NTNG1: variants seen among roughly 807,000 people sequenced by gnomAD.
NTNG1 encodes netrin-G1.
NTNG1 carries 16 observed loss-of-function variants against 54.0 expected under a neutral mutation model. That is an observed-to-expected ratio of 0.30 (90% CI 0.20 to 0.45). NTNG1 has a LOEUF of 0.45. Among genes scored for constraint, NTNG1 ranks in the 20% least tolerant of loss-of-function variants. NTNG1 has a pLI of 1.00. For missense variants in NTNG1, 530 were observed against 678.7 expected, an observed-to-expected ratio of 0.78 and a Z score of 2.43; for synonymous variants, 255 against 263.1, an observed-to-expected ratio of 0.97 and a Z score of 0.30.
At chr1:107,364,522 T>A (rs1670476300) in intron 3 of NTNG1, among the ~76,000 whole-genome samples, 1 of 152,244 alleles carries the variant, frequency 6.6e-6, no homozygotes, top group Non-Finnish European at 1.5e-5. Flanking sequence ...ATTTTCTCAC[T>A]ACATTTTACA....
intron 2 of NTNG1, among the ~76,000 whole-genome samples, chr1:107,256,263 T>G (rs1662927122): frequency 1.3e-5 from 2 of 152,212 alleles, no homozygotes. Flanking sequence ...AATTTCCTCA[T>G]GTAACCAAAG....
At chr1:107,466,929 G>C (rs1571024615) in intron 7 of NTNG1, among the ~76,000 whole-genome samples, 1 of 152,034 alleles carries the variant, frequency 6.6e-6, no homozygotes, top group South Asian at 2.1e-4. Flanking sequence ...CCCCTTTTCA[G>C]GTCCACTAAG....
intron 3 of NTNG1, among the ~76,000 whole-genome samples, chr1:107,337,770 C>T (rs920826085): frequency 4.6e-5 from 7 of 151,842 alleles, no homozygotes; most frequent in African/African-American, 1.7e-4. Context: ...TAATGTTATT[C>T]TTGGTTTTGA....
intron 2 of NTNG1, among the ~76,000 whole-genome samples, chr1:107,205,893 C>T (rs563347817): frequency 1.3e-5 from 2 of 152,228 alleles, no homozygotes; most frequent in African/African-American, 4.8e-5. Flanking sequence ...TGAACTTATA[C>T]GTGGAATTGT....
chr1:107,402,315 T>C (rs189857390), intron 4 of NTNG1, among the ~76,000 whole-genome samples: 1 of 152,216 alleles, frequency 6.6e-6, no homozygotes, highest in African/African-American at 2.4e-5. Context: ...AGGGTCAGCC[T>C]TCTTCATGCC....
chr1:107,438,432 G>A (rs1029109074), intron 7 of NTNG1, among the ~76,000 whole-genome samples: 29 of 152,174 alleles, frequency 1.9e-4, no homozygotes, highest in Admixed American at 1.8e-3. Context: ...GGGAGAGTTG[G>A]TGGATCCCAG....
chr1:107,380,203 A>G (rs1671558010), intron 3 of NTNG1, among the ~76,000 whole-genome samples: 1 of 152,106 alleles, frequency 6.6e-6, no homozygotes, highest in African/African-American at 2.4e-5. Context: ...TTTTTTTTCC[A>G]TCAAATGATT....
At chr1:107,470,648 C>T (rs1258229757) in intron 7 of NTNG1, among the ~76,000 whole-genome samples, 1 of 152,228 alleles carries the variant, frequency 6.6e-6, no homozygotes, top group Non-Finnish European at 1.5e-5. Flanking sequence ...TATGCCTCCC[C>T]ATGAATTCCA....
intron 7 of NTNG1, among the ~76,000 whole-genome samples, chr1:107,443,922 G>A (rs984166858): frequency 1.3e-5 from 2 of 152,048 alleles, no homozygotes; most frequent in Non-Finnish European, 2.9e-5. Flanking sequence ...ATGTTACTGT[G>A]GTACGACTCC....
chr1:107,321,002 C>T (rs1299742907), intron 2 of NTNG1, among the ~76,000 whole-genome samples: 2 of 152,058 alleles, frequency 1.3e-5, no homozygotes, highest in Admixed American at 6.6e-5. Context: ...GATCAACTTC[C>T]TCTGATCATC....
intron 3 of NTNG1, among the ~76,000 whole-genome samples, chr1:107,332,391 T>A (rs950845854): frequency 6.6e-6 from 1 of 152,086 alleles, no homozygotes; most frequent in Non-Finnish European, 1.5e-5. Context: ...TACCACAAAA[T>A]GGATAAATAA....
chr1:107,197,147 C>G (rs1021095937), intron 2 of NTNG1, among the ~76,000 whole-genome samples: 3 of 151,952 alleles, frequency 2.0e-5, no homozygotes, highest in Non-Finnish European at 4.4e-5. Flanking sequence ...CTTAATCTGA[C>G]CAACCTACAG....
intron 2 of NTNG1, among the ~76,000 whole-genome samples, chr1:107,217,534 T>A (rs1431933769): frequency 1.3e-5 from 2 of 152,172 alleles, no homozygotes; most frequent in South Asian, 2.1e-4. Flanking sequence ...CTCCTTGAGG[T>A]GGGACCTTAG....
intron 2 of NTNG1, among the ~76,000 whole-genome samples, chr1:107,255,593 T>C (rs995636624): frequency 5.3e-5 from 8 of 152,246 alleles, no homozygotes; most frequent in African/African-American, 1.7e-4. Context: ...TTAACTGCCC[T>C]TTTGTCTCTT....
At chr1:107,194,858 G>C (rs1038364770) in intron 2 of NTNG1, among the ~76,000 whole-genome samples, 1 of 151,886 alleles carries the variant, frequency 6.6e-6, no homozygotes. Flanking sequence ...CGATCAACTA[G>C]AATATGGATT....
chr1:107,272,095 C>G (rs1327791418), intron 2 of NTNG1, among the ~76,000 whole-genome samples: 2 of 152,114 alleles, frequency 1.3e-5, no homozygotes, highest in Non-Finnish European at 2.9e-5. Flanking sequence ...TTAAGTGACT[C>G]TCCAACAAAT....
At chr1:107,237,654 T>A (rs1186611987) in intron 2 of NTNG1, among the ~76,000 whole-genome samples, 1 of 152,134 alleles carries the variant, frequency 6.6e-6, no homozygotes, top group Non-Finnish European at 1.5e-5. Flanking sequence ...TGGTGCCCTG[T>A]GTTCCAGCTA....
intron 2 of NTNG1, among the ~76,000 whole-genome samples, chr1:107,285,953 A>G (rs1665167975): frequency 6.6e-6 from 1 of 152,154 alleles, no homozygotes; most frequent in East Asian, 1.9e-4. Context: ...AATAGAATTA[A>G]CAATAAAAAA....
chr1:107,434,511 T>C (rs1294365438), intron 6 of NTNG1, among the ~76,000 whole-genome samples: 1 of 152,224 alleles, frequency 6.6e-6, no homozygotes, highest in Admixed American at 6.5e-5. Context: ...GAGTAATCAC[T>C]GTTAATAATC....
Sources: allele counts gnomAD v4.1 joint callset (sites outside exome capture counted in the v4.1 genomes callset), GRCh38; gene constraint gnomAD v4.1.1; transcripts MANE v1.5; gene names NCBI Gene and HGNC (gene_info 2026-07-23, HGNC 2026-07-21).